Variants in ENDOU observed in about 807,000 individuals in gnomAD.
The protein encoded by ENDOU is uridylate-specific endoribonuclease.
Under a neutral mutation model 54.2 loss-of-function variants are expected in ENDOU, and 49 were observed. The ratio of observed to expected loss-of-function variants is 0.90; its 90% CI spans 0.72 to 1.15. The LOEUF (loss-of-function observed/expected upper bound fraction) is 1.15, where lower values mean the gene tolerates loss of function less well. Ranked by LOEUF, ENDOU falls within the 50% of genes most tolerant of loss-of-function variation. ENDOU has a pLI of 0.00. For synonymous variants in ENDOU, 172 were observed against 190.5 expected, an observed-to-expected ratio of 0.90 and a Z score of 0.80; for missense variants, 458 against 511.4, an observed-to-expected ratio of 0.90 and a Z score of 1.01.
rs1345025596 is a variant in ENDOU, at chr12:47,718,197, G to A, written c.179-3C>T. ...TGGCTCTGACTCTTTGTGGTCCTCT[G>A]CAGGTAGATAGAAAAATAAAGTCAC... On this transcript the variant is annotated splice_region_variant and splice_polypyrimidine_tract_variant and intron_variant, in intron 2 of 9. Coordinates refer to ENST00000422538, the MANE Select transcript of ENDOU (RefSeq NM_001172439.2). 1 of 1,575,270 alleles carries A rather than the reference G, an allele frequency of 6.3e-7. No homozygotes were observed. The highest frequency in any genetic ancestry group is 1.2e-5 in the South Asian group (1 of 86,016).
intron 1 of ENDOU, 22 bp downstream of exon 1, chr12:47,725,337 T>C: frequency 6.2e-7 from 1 of 1,613,696 alleles, no homozygotes. Flanking sequence ...AGCAATCCCA[T>C]GCCCGCCAGA....
chr12:47,716,536 A>C (rs1245854011), intron 5 of ENDOU, 37 bp from the exon 6 acceptor site: 1 of 1,600,692 alleles, frequency 6.2e-7, no homozygotes, highest in Non-Finnish European at 8.5e-7. Context: ...TGAGAGCCCC[A>C]AACACAGGGC....
intron 3 of ENDOU, 116 bp from the exon 4 acceptor site, chr12:47,717,771 G>T: frequency 8.8e-7 from 1 of 1,135,058 alleles, no homozygotes; most frequent in Non-Finnish European, 1.3e-6. Context: ...AGATCTCCAG[G>T]GAAGGAAAAC....
intron 1 of ENDOU, among the ~76,000 whole-genome samples, chr12:47,721,773 A>G (rs1479525894): frequency 6.6e-6 from 1 of 152,098 alleles, no homozygotes; most frequent in Admixed American, 6.5e-5. Flanking sequence ...CCCACTATCC[A>G]CTCTGGGCTT....
chr12:47,718,697 G>A (rs147191970), intron 2 of ENDOU, among the ~76,000 whole-genome samples: 1 of 152,136 alleles, frequency 6.6e-6, no homozygotes, highest in Non-Finnish European at 1.5e-5. Context: ...TAGGGAAAAG[G>A]CATGTTCAGA....
chr12:47,717,752 G>A, intron 3 of ENDOU, 97 bp from the exon 4 acceptor site: 1 of 1,269,072 alleles, frequency 7.9e-7, no homozygotes, highest in Non-Finnish European at 1.1e-6. Context: ...TCTTCACTCT[G>A]CCCAGTAAAG....
intron 1 of ENDOU, 73 bp from the exon 2 acceptor site, chr12:47,720,948 G>A: frequency 1.4e-6 from 2 of 1,448,422 alleles, no homozygotes; most frequent in Non-Finnish European, 1.9e-6. Context: ...CTGCAGGAGG[G>A]TTCACAGACC....
chr12:47,716,200 C>T, intron 6 of ENDOU, 100 bp downstream of exon 6: 1 of 1,150,378 alleles, frequency 8.7e-7, no homozygotes, highest in South Asian at 1.3e-5. Flanking sequence ...ACAGAGTCCC[C>T]ACCGCCTCCT....
intron 7 of ENDOU, 43 bp from the exon 8 acceptor site, chr12:47,712,665 C>A (rs1412320337): frequency 2.1e-6 from 3 of 1,431,968 alleles, no homozygotes; most frequent in East Asian, 4.6e-5. Context: ...GCTCCTTCCC[C>A]ACCCTCCCCT....
At chr12:47,718,584 T>G (rs1370973251) in intron 2 of ENDOU, among the ~76,000 whole-genome samples, 2 of 152,176 alleles carry the variant, frequency 1.3e-5, no homozygotes, top group East Asian at 3.8e-4. Context: ...TCGTCAGAGC[T>G]CAGGGTAAAC....
intron 8 of ENDOU, 93 bp downstream of exon 8, chr12:47,712,423 G>A (rs1940059897): frequency 1.1e-6 from 1 of 941,436 alleles, no homozygotes. Flanking sequence ...TGCCCCCTGA[G>A]AGTCAGGCTG....
chr12:47,712,694 C>T, intron 7 of ENDOU, 72 bp from the exon 8 acceptor site: 1 of 1,169,546 alleles, frequency 8.6e-7, no homozygotes, highest in Non-Finnish European at 1.3e-6. Context: ...CTTTCTCCAC[C>T]CCATGCCAAG....
At chr12:47,719,395 T>A (rs1032176146) in intron 2 of ENDOU, 1 of 152,106 alleles carries the variant, frequency 6.6e-6, no homozygotes, top group Non-Finnish European at 1.5e-5. Flanking sequence ...ATATATGTGG[T>A]GCTAATGTAT....
chr12:47,722,153 T>G (rs1019434389), intron 1 of ENDOU, among the ~76,000 whole-genome samples: 2 of 152,354 alleles, frequency 1.3e-5, no homozygotes, highest in African/African-American at 4.8e-5. Flanking sequence ...GTTCTGGTTA[T>G]GATTCAATAC....
Position 47,716,298 on chromosome 12 carries a change from A to T in ENDOU, c.751+2T>A, listed in dbSNP as rs778683956. The T allele has an allele frequency of 2.5e-6, 4 of 1,612,832 alleles. No individual in the cohort carries two copies. In the South Asian group the frequency reaches 4.4e-5, roughly 18 times the overall value. On this transcript the variant is annotated splice_donor_variant, in intron 6 of 9. Coordinates refer to ENST00000422538, the MANE Select transcript of ENDOU (RefSeq NM_001172439.2). LOFTEE classifies it high-confidence loss of function. Reference sequence around the variant, plus strand: ...CTCTGGGGCCTGGGGGTGCTCACTCACTCTGGTGATGGAGGAAGCTGTAGA... The same window carrying T: ...CTCTGGGGCCTGGGGGTGCTCACTCTCTCTGGTGATGGAGGAAGCTGTAGA...
chr12:47,720,482 T>G (rs1176563895), intron 2 of ENDOU: 2 of 319,412 alleles, frequency 6.3e-6, no homozygotes, highest in African/African-American at 2.1e-5. Flanking sequence ...TTTTAGAATT[T>G]AGTACTTAAA....
In ENDOU at chr12:47,710,825, C is replaced by G. The variant is rs373120299; in HGVS notation, c.1210G>C (p.Ala404Pro). The G allele has an allele frequency of 6.7e-5, 108 of 1,613,858 alleles. No homozygotes were observed. In the East Asian group the frequency reaches 1.6e-3, roughly 24 times the overall value. The change falls in exon 10 of 10, where the codon GCC becomes CCC. Residue 404 changes from alanine (A) to proline (P), a missense_variant. Ala to Pro is a conservative substitution (Grantham distance 27). Transcript: ENST00000422538. Reference sequence around the variant, plus strand: ...TATTAGGTGGAAGACACTATGTAGGCTGTGGCGATGTACTTCTTGCCATTC... The same window carrying G: ...TATTAGGTGGAAGACACTATGTAGGGTGTGGCGATGTACTTCTTGCCATTC... The part of the protein sequence containing the change: ...YGNGKKYIAT[A>P]YIVSST
At position 47,713,317 on chromosome 12, in the gene ENDOU, T is replaced by A; in HGVS notation, c.823A>T (p.Asn275Tyr). The change falls in exon 7 of 10, where the codon AAT (asparagine) becomes TAT (tyrosine). Residue 275 changes from asparagine (N) to tyrosine (Y), a missense_variant. Physicochemically the swap from Asn to Tyr is moderately radical, Grantham distance 143 (BLOSUM62 -2). Transcript: ENST00000422538. ...NMWFGLYSRG[N>Y]EEGDSSGFEH... ...AAGCCACTCGAGTCCCCCTCTTCAT[T>A]GCCTCTTGAATAGAGCCCAAACCAC... 6.2e-7 allele frequency: 1 copy of A among 1,613,984 alleles called. No homozygotes were observed. The highest frequency in any genetic ancestry group is 1.1e-5 in the South Asian group (1 of 91,068).
At chr12:47,717,751 T>A (rs74088008) in intron 3 of ENDOU, 96 bp from the exon 4 acceptor site, 96,207 of 1,308,584 alleles carry the variant, frequency 0.074, 7,882 homozygotes, top group Admixed American at 0.37. Flanking sequence ...GTCTTCACTC[T>A]GCCCAGTAAA....
Sources: allele counts gnomAD v4.1 joint callset (sites outside exome capture counted in the v4.1 genomes callset), GRCh38; gene constraint gnomAD v4.1.1; transcripts MANE v1.5; gene names NCBI Gene and HGNC (gene_info 2026-07-23, HGNC 2026-07-21).